ESPN: variants seen among roughly 807,000 people sequenced by gnomAD.
The protein encoded by ESPN is espin, also known as autosomal recessive deafness type 36 protein.
Under a neutral mutation model 77.7 loss-of-function variants are expected in ESPN, and 68 were observed. The ratio of observed to expected loss-of-function variants is 0.87; its 90% CI spans 0.72 to 1.07. The LOEUF is 1.07. Ranked by LOEUF, ESPN falls within the 50% of genes least tolerant of loss-of-function variation. ESPN has a pLI of 0.00. For synonymous variants in ESPN, 449 were observed against 567.1 expected (o/e 0.79, Z 2.96); for missense variants, 1,060 against 1,239.0 (o/e 0.86, Z 2.17).
intron 10 of ESPN, chr1:6,455,793 G>A (rs1644044624): frequency 5.0e-6 from 2 of 398,972 alleles, no homozygotes; most frequent in South Asian, 1.3e-4. Context: ...GGTGCTGGAG[G>A]AGGTGGAGGC....
At chr1:6,446,035 G>A in intron 7 of ESPN, 100 bp downstream of exon 7, 2 of 1,212,400 alleles carry the variant, frequency 1.6e-6, no homozygotes, top group Non-Finnish European at 2.4e-6. Flanking sequence ...GCATAGGGTG[G>A]GGATCCCTGG....
intron 7 of ESPN, among the ~76,000 whole-genome samples, chr1:6,448,272 C>T (rs968427661): frequency 6.6e-6 from 1 of 152,140 alleles, no homozygotes; most frequent in African/African-American, 2.4e-5. Flanking sequence ...CAGCCGAGAG[C>T]GGAGTGCGGC....
In ESPN at chr1:6,451,820, C is replaced by T; in HGVS notation, c.2062-13C>T. ...GGCCACCGGGCGCTCAGCCCCACCG[C>T]TTCTCCCTGCAGCCCGATTCGCCGC... is the stretch of plus-strand genomic sequence containing the variant. On this transcript the variant is annotated splice_polypyrimidine_tract_variant and intron_variant, in intron 9 of 12. Coordinates refer to ENST00000645284, the MANE Select transcript of ESPN (RefSeq NM_031475.3). The surrounding 1 kb of genome is among the most constrained non-coding windows in gnomAD (Gnocchi z 4.3). 9.3e-6 allele frequency: 15 copies of T among 1,610,972 alleles called. No individual in the cohort carries two copies. Among genetic ancestry groups the T allele is most frequent in the Non-Finnish European group, 1.3e-5 (15 of 1,179,188 alleles).
intron 2 of ESPN, among the ~76,000 whole-genome samples, chr1:6,431,307 T>C (rs1267758285): frequency 6.6e-6 from 1 of 152,088 alleles, no homozygotes; most frequent in Non-Finnish European, 1.5e-5. Context: ...TAGACTGGAA[T>C]GGGATTGGAA....
intron 2 of ESPN, among the ~76,000 whole-genome samples, chr1:6,438,212 C>T (rs1223908963): frequency 1.3e-5 from 2 of 152,196 alleles, no homozygotes; most frequent in Non-Finnish European, 1.5e-5. Context: ...TAGTGTCCTT[C>T]GGTGGTAACT....
At chr1:6,444,112 G>C (rs1242924851) in intron 5 of ESPN, among the ~76,000 whole-genome samples, 1 of 152,248 alleles carries the variant, frequency 6.6e-6, no homozygotes, top group Non-Finnish European at 1.5e-5. Context: ...CTAGGGATGG[G>C]CCTGTGCTGT....
chr1:6,455,419 C>T (rs1644036516), intron 10 of ESPN: 2 of 393,344 alleles, frequency 5.1e-6, no homozygotes, highest in East Asian at 3.6e-5. Flanking sequence ...ACGGACGCCC[C>T]CCGGCTGCCG....
At chr1:6,454,261 G>T (rs1033337406) in intron 10 of ESPN, among the ~76,000 whole-genome samples, 4 of 152,144 alleles carry the variant, frequency 2.6e-5, no homozygotes, top group Admixed American at 1.3e-4. Context: ...GGCTCAGGCC[G>T]AAGCCTCACC....
chr1:6,445,858 G>C lies in ESPN; in HGVS notation c.1387G>C (p.Gly463Arg). Residue 463 changes from glycine to arginine, a missense_variant, in exon 7 of 13, where the codon GGA becomes CGA. This residue lies in a region of ESPN where 130 missense variants were observed against 223.9 expected (regional missense o/e 0.58). Coordinates refer to ENST00000645284, the MANE Select transcript of ESPN (RefSeq NM_031475.3). ...CTACCCAGCTCCCAAGCCTCCTGTA[G>C]GACCACAGGCAGCTGACATCTACAT... Reference protein sequence around the residue: ...PGYPAPKPPVGPQAADIYMQT... With the variant: ...PGYPAPKPPVRPQAADIYMQT... The C allele has an allele frequency of 1.2e-6, 2 of 1,608,574 alleles. No individual in the cohort carries two copies. Among genetic ancestry groups the C allele is most frequent in the South Asian group, 2.2e-5 (2 of 90,928 alleles).
In ESPN at chr1:6,440,278, C is replaced by T. The variant is rs1016290026; in HGVS notation, c.513C>T (p.Asn171=). The T allele has an allele frequency of 7.1e-6, 11 of 1,550,598 alleles. No homozygotes were observed. The highest frequency in any genetic ancestry group is 9.6e-6 in the Non-Finnish European group (11 of 1,147,240). The part of the protein sequence containing the change: ...YPEGVNAQTK[N]GATPLYLACQ... ...GGGGAGTGAATGCCCAAACCAAGAA[C>T]GGTGCCACGCCCCTGTACCTGGCGT... Residue 171 remains asparagine (N), a synonymous_variant, in exon 3 of 13, where the codon AAC becomes AAT. Transcript: ENST00000645284.
chr1:6,445,582 T>C (rs1643798257), intron 6 of ESPN, 82 bp from the exon 7 acceptor site: 9 of 1,510,194 alleles, frequency 6.0e-6, no homozygotes, highest in Non-Finnish European at 8.2e-6. Context: ...GGCAAGTTGT[T>C]TCCAGGTGGT....
chr1:6,444,387 C>T, intron 5 of ESPN, 94 bp from the exon 6 acceptor site: 1 of 1,293,710 alleles, frequency 7.7e-7, no homozygotes. Context: ...GGCCAAGATC[C>T]CACAGCGAAG....
chr1:6,440,607 C>CAAAA lies in ESPN; in HGVS notation c.676-19_676-18insAAAA. The CAAAA allele has an allele frequency of 2.3e-5, 18 of 787,710 alleles. No individual in the cohort carries two copies. Among genetic ancestry groups the CAAAA allele is most frequent in the Non-Finnish European group, 3.1e-5 (16 of 512,220 alleles). 48.8% of individuals were successfully genotyped at this position (787,710 alleles called of 1,614,324 possible). A position where few individuals can be genotyped will look rare whatever the true frequency, so the allele number is the denominator to read the frequency against. ...TGGCGCCCAGCCCCCGCCCCCCTCT[C>CAAAA]CCCGCCCGTCCCGCCCAGGTGAGCT... On this transcript the variant is annotated intron_variant, in intron 3 of 12. Transcript: ENST00000645284.
Position 6,446,551 on chromosome 1 carries a change from G to T in ESPN, c.1464+616G>T, listed in dbSNP as rs6670977. Among the ~76,000 whole-genome samples, 961 of 152,314 alleles carry T rather than the reference G, an allele frequency of 6.3e-3. 9 individuals are homozygous for T. The highest frequency in any genetic ancestry group is 0.022 in the African/African-American group (918 of 41,564). On this transcript the variant is annotated intron_variant, in intron 7 of 12. Coordinates refer to ENST00000645284, the MANE Select transcript of ESPN (RefSeq NM_031475.3). ...CCTGTGTGGAGAGGATGAGGCCAGG[G>T]TGGGCAGGTGGAGTGTGAGGTGCCT...
chr1:6,451,435 G>A lies in ESPN; in HGVS notation c.1916-168G>A, dbSNP rs1643940944. ...GGGAACCAAGGGCCCGCCTCTGGGG[G>A]CCCTGAAACCTGCCTGCAGGACCTG... is the stretch of plus-strand genomic sequence containing the variant. On this transcript the variant is annotated intron_variant, in intron 8 of 12. Coordinates refer to ENST00000645284, the MANE Select transcript of ESPN (RefSeq NM_031475.3). The surrounding 1 kb of genome is among the most constrained non-coding windows in gnomAD (Gnocchi z 4.3). 6 of 895,040 alleles carry A rather than the reference G, an allele frequency of 6.7e-6. No individual in the cohort carries two copies. Among genetic ancestry groups the A allele is most frequent in the African/African-American group, 1.7e-5 (1 of 59,994 alleles). 55.4% of individuals were successfully genotyped at this position (895,040 alleles called of 1,614,324 possible).
At chr1:6,441,433 A>T (rs905846272) in intron 5 of ESPN, among the ~76,000 whole-genome samples, 2 of 152,156 alleles carry the variant, frequency 1.3e-5, no homozygotes, top group Non-Finnish European at 2.9e-5. Flanking sequence ...CATATGGATA[A>T]AGTGAGTCTG....
At chr1:6,434,900 C>T (rs1165800422) in intron 2 of ESPN, among the ~76,000 whole-genome samples, 2 of 152,024 alleles carry the variant, frequency 1.3e-5, no homozygotes, top group Non-Finnish European at 2.9e-5. Flanking sequence ...AGAGGGTGGG[C>T]CTCGCAGCCC....
chr1:6,443,878 C>T (rs1291577668), intron 5 of ESPN, among the ~76,000 whole-genome samples: 2 of 152,150 alleles, frequency 1.3e-5, no homozygotes, highest in South Asian at 2.1e-4. Flanking sequence ...ACCACAGCCC[C>T]GTCTGCACCG....
intron 12 of ESPN, among the ~76,000 whole-genome samples, chr1:6,457,650 A>G (rs935159431): frequency 6.6e-6 from 1 of 152,102 alleles, no homozygotes; most frequent in African/African-American, 2.4e-5. Context: ...CTCAGAATGT[A>G]CTTTCTGCCC....
Sources: allele counts gnomAD v4.1 joint callset (sites outside exome capture counted in the v4.1 genomes callset), GRCh38; gene constraint gnomAD v4.1.1; regional missense constraint gnomAD v4.1.1; non-coding constraint Gnocchi (gnomAD v3.1); transcripts MANE v1.5; gene names NCBI Gene and HGNC (gene_info 2026-07-23, HGNC 2026-07-21).